The following SLC8A3 variants were observed in gnomAD, a reference collection of about 807,000 sequenced individuals.
SLC8A3 encodes solute carrier family 8 member A3.
A neutral mutation model predicts 65.4 loss-of-function variants in SLC8A3; 37 were observed. That is an observed-to-expected ratio of 0.57 (90% confidence interval 0.44 to 0.74). The LOEUF is 0.74. Ranked by LOEUF, SLC8A3 falls within the 30% of genes least tolerant of loss-of-function variation. SLC8A3 has a pLI of 0.00. For missense variants in SLC8A3, 1,112 were observed against 1,172.1 expected, an observed-to-expected ratio of 0.95 and a Z score of 0.75; for synonymous variants, 461 against 444.5, an observed-to-expected ratio of 1.04 and a Z score of -0.47.
rs972874899 is a variant in SLC8A3, at chr14:70,046,689, G to C, written c.2390-366C>G. ...CCTTGACACCCTGGGAAGCTGCTTG[G>C]AGTAGATGCCTGATTTTAACTGTCA... On this transcript the variant is annotated intron_variant, in intron 6 of 6. Coordinates refer to ENST00000356921, the MANE Select transcript of SLC8A3 (RefSeq NM_182932.3). This position sits in a 1 kb window ranked among gnomAD's most constrained non-coding sequence, Gnocchi z 4.2. The C allele has an allele frequency of 5.1e-6, 1 of 197,626 alleles. No individual in the cohort carries two copies. Among genetic ancestry groups the C allele is most frequent in the Non-Finnish European group, 1.0e-5 (1 of 96,124 alleles). The allele number at this position is 197,626 out of a possible 1,614,324, so 12.2% of individuals were successfully genotyped here. A position where few individuals can be genotyped will look rare whatever the true frequency, so the allele number is the denominator to read the frequency against.
At chr14:70,156,160 C>G (rs912231398) in intron 2 of SLC8A3, among the ~76,000 whole-genome samples, 2 of 152,200 alleles carry the variant, frequency 1.3e-5, no homozygotes, top group African/African-American at 2.4e-5. Flanking sequence ...GTTAGCAGTG[C>G]TTCTGGAAGA....
At chr14:70,155,100 T>C (rs1896498335) in intron 2 of SLC8A3, among the ~76,000 whole-genome samples, 1 of 151,942 alleles carries the variant, frequency 6.6e-6, no homozygotes, top group Non-Finnish European at 1.5e-5. Context: ...TTTGTATTTA[T>C]AGTAGAGACG....
intron 1 of SLC8A3, among the ~76,000 whole-genome samples, chr14:70,185,242 C>T (rs894644061): frequency 1.3e-5 from 2 of 152,234 alleles, no homozygotes; most frequent in South Asian, 2.1e-4. Flanking sequence ...GCTGGGATTA[C>T]AGGCGTGAGC....
chr14:70,108,877 C>T lies in SLC8A3; in HGVS notation c.1785-47938G>A, dbSNP rs556622593. Among the ~76,000 whole-genome samples the T allele has an allele frequency of 2.6e-5, 4 of 152,330 alleles. No homozygotes were observed. In the South Asian group the frequency reaches 8.3e-4, roughly 32 times the overall value. ...ACTGTCATTTCCTTACCAGGATCTT[C>T]TTTACCCTGGGCCTTTGCAAATGAT... On this transcript the variant is annotated intron_variant, in intron 2 of 6. Transcript: ENST00000356921.
Position 70,131,500 on chromosome 14 carries a change from T to G in SLC8A3, c.1784+35139A>C, listed in dbSNP as rs534577205. 2.6e-5 allele frequency among the ~76,000 whole-genome samples: 4 copies of G among 152,318 alleles called. No individual in the cohort carries two copies. The East Asian group carries it at 7.7e-4, about 29-fold the overall frequency. ...CCCACAGGGTATACAGCAGGTGTTC[T>G]CAAATGGAGCTGGAGGAGGACACAG... On this transcript the variant is annotated intron_variant, in intron 2 of 6. Coordinates refer to ENST00000356921, the MANE Select transcript of SLC8A3 (RefSeq NM_182932.3).
chr14:70,154,444 A>G (rs778485639), intron 2 of SLC8A3, among the ~76,000 whole-genome samples: 19 of 152,220 alleles, frequency 1.2e-4, no homozygotes, highest in African/African-American at 4.3e-4. Context: ...TTAACAATGC[A>G]TTAATACAAC....
chr14:70,160,754 G>A (rs1046765040), intron 2 of SLC8A3, among the ~76,000 whole-genome samples: 14 of 151,928 alleles, frequency 9.2e-5, no homozygotes, highest in African/African-American at 2.7e-4. Context: ...TGGACTTCCT[G>A]GAGAGTTTTG....
chr14:70,181,356 T>C (rs1427615863), intron 1 of SLC8A3, among the ~76,000 whole-genome samples: 3 of 152,166 alleles, frequency 2.0e-5, no homozygotes, highest in South Asian at 2.1e-4. Flanking sequence ...AGTATATTCA[T>C]TTATTCACTC....
intron 2 of SLC8A3, among the ~76,000 whole-genome samples, chr14:70,083,031 A>G (rs1891169600): frequency 6.6e-6 from 1 of 152,118 alleles, no homozygotes; most frequent in African/African-American, 2.4e-5. Flanking sequence ...CACACCTCAC[A>G]ATCTGAGCTC....
chr14:70,162,237 C>A (rs1186084595), intron 2 of SLC8A3, among the ~76,000 whole-genome samples: 1 of 152,142 alleles, frequency 6.6e-6, no homozygotes, highest in African/African-American at 2.4e-5. Context: ...ATGGAGAAGC[C>A]TAAGATGGGA....
chr14:70,146,845 G>C (rs1018669668), intron 2 of SLC8A3, among the ~76,000 whole-genome samples: 9 of 152,186 alleles, frequency 5.9e-5, no homozygotes, highest in Non-Finnish European at 4.4e-5. Context: ...TGCCTGAGGA[G>C]GAAATGTGTG....
intron 6 of SLC8A3, chr14:70,047,828 G>A (rs1886966799): frequency 6.6e-6 from 1 of 152,240 alleles, no homozygotes; most frequent in African/African-American, 2.4e-5. Flanking sequence ...ATTAAGTAAA[G>A]AACCTGGGCT....
intron 2 of SLC8A3, among the ~76,000 whole-genome samples, chr14:70,132,596 G>T (rs1423061630): frequency 1.3e-5 from 2 of 152,170 alleles, no homozygotes; most frequent in African/African-American, 4.8e-5. Flanking sequence ...GGCAAATGTG[G>T]ATGAAACGGG....
intron 2 of SLC8A3, among the ~76,000 whole-genome samples, chr14:70,109,413 A>G (rs890787995): frequency 2.3e-4 from 34 of 148,684 alleles, no homozygotes; most frequent in African/African-American, 8.4e-4. Context: ...GCTGCTTTCA[A>G]TAATAATGTG....
In SLC8A3 at chr14:70,144,630, A is replaced by AG. The variant is rs1228927636; in HGVS notation, c.1784+22008_1784+22009insC. Among the ~76,000 whole-genome samples, 3 of 148,080 alleles carry AG rather than the reference A, an allele frequency of 2.0e-5. No individual in the cohort carries two copies. In the East Asian group the frequency reaches 5.9e-4, roughly 29 times the overall value. ...GGGCAACAGAGCGAGACTCCACCTA[A>AG]AAAAAAAAAAAGAAAAAAGCAATTA... On this transcript the variant is annotated intron_variant, in intron 2 of 6. Transcript: ENST00000356921.
intron 2 of SLC8A3, among the ~76,000 whole-genome samples, chr14:70,091,288 C>T (rs1891789682): frequency 6.6e-6 from 1 of 152,144 alleles, no homozygotes; most frequent in Non-Finnish European, 1.5e-5. Flanking sequence ...CAAAATAGCT[C>T]CTTTTTTAAT....
At chr14:70,049,147 G>A in intron 5 of SLC8A3, 105 bp from the exon 6 acceptor site, 1 of 1,132,442 alleles carries the variant, frequency 8.8e-7, no homozygotes, top group Non-Finnish European at 1.2e-6. Flanking sequence ...GCTAGAAGGG[G>A]ACTCCAGCTG....
At chr14:70,068,142 C>T (rs920437271) in intron 2 of SLC8A3, among the ~76,000 whole-genome samples, 1 of 152,258 alleles carries the variant, frequency 6.6e-6, no homozygotes, top group East Asian at 1.9e-4. Context: ...TCCTTTGCAT[C>T]GAGGACATTC....
chr14:70,122,112 C>T (rs1471874725), intron 2 of SLC8A3, among the ~76,000 whole-genome samples: 2 of 152,088 alleles, frequency 1.3e-5, no homozygotes, highest in Admixed American at 1.3e-4. Context: ...GTGAAGAAGC[C>T]AGGATAGAGC....
Sources: allele counts gnomAD v4.1 joint callset (sites outside exome capture counted in the v4.1 genomes callset), GRCh38; gene constraint gnomAD v4.1.1; non-coding constraint Gnocchi (gnomAD v3.1); transcripts MANE v1.5; gene names NCBI Gene and HGNC (gene_info 2026-07-23, HGNC 2026-07-21).